FGR: variants seen among roughly 807,000 people sequenced by gnomAD.
FGR encodes the protein FGR proto-oncogene, Src family tyrosine kinase.
A neutral mutation model predicts 63.2 loss-of-function variants in FGR; 26 were observed. That is an observed-to-expected ratio of 0.41 (90% confidence interval 0.30 to 0.57). FGR has a LOEUF of 0.57. FGR is among the 20% of genes least tolerant of loss of function. The pLI, the probability that FGR is intolerant of heterozygous loss-of-function variation, is 0.27. For missense variants in FGR, 511 were observed against 690.8 expected (o/e 0.74, Z 2.92); for synonymous variants, 286 against 277.7 (o/e 1.03, Z -0.30).
intron 3 of FGR, 133 bp from the exon 4 acceptor site, chr1:27,623,277 T>A (rs190299856): frequency 1.5e-6 from 1 of 663,024 alleles, no homozygotes; most frequent in Admixed American, 2.5e-5. Context: ...CCAAAGGCCT[T>A]TGGGGTCCAA....
rs566178769 is a variant in FGR at position 27,631,397 on chromosome 1, T to G, written c.-77+3668A>C. On this transcript the variant is annotated intron_variant, in intron 1 of 12. Coordinates refer to ENST00000374005, the MANE Select transcript of FGR (RefSeq NM_005248.3). ...TTTCGAGGCCCACACTTCCCAAAGC[T>G]ATGCCAGTTCTTTGATGTAGACACA... is the stretch of plus-strand genomic sequence containing the variant. 2.6e-5 allele frequency among the ~76,000 whole-genome samples: 4 copies of G among 152,296 alleles called. No homozygotes were observed. In the East Asian group the frequency reaches 7.7e-4, roughly 29 times the overall value.
At chr1:27,621,249 G>T (rs2089919915) in intron 5 of FGR, among the ~76,000 whole-genome samples, 2 of 152,122 alleles carry the variant, frequency 1.3e-5, no homozygotes, top group South Asian at 4.1e-4. Flanking sequence ...CACTAGCCAT[G>T]TGAACTTGCA....
Position 27,612,883 on chromosome 1 carries a change from C to A in FGR, c.*31G>T, listed in dbSNP as rs1276327941. The A allele has an allele frequency of 3.8e-6, 6 of 1,593,692 alleles. No individual in the cohort carries two copies. The East Asian group carries it at 1.3e-4, about 36-fold the overall frequency. On this transcript the variant is annotated 3_prime_UTR_variant, in exon 13 of 13. Transcript: ENST00000374005. ...CTGGGGATTGGCAAGGACTGGTGGCCACCGCCAGAGAGGGTTGATGCCCGG... is the reference window on the plus strand; with the variant it reads ...CTGGGGATTGGCAAGGACTGGTGGCAACCGCCAGAGAGGGTTGATGCCCGG...
chr1:27,628,258 G>T (rs1177493935), intron 1 of FGR, among the ~76,000 whole-genome samples: 1 of 151,818 alleles, frequency 6.6e-6, no homozygotes, highest in Non-Finnish European at 1.5e-5. Context: ...TGAGGCAGGA[G>T]GACCACTCAA....
rs1176380279 is a variant in FGR, at chr1:27,612,911, A to G, written c.*3T>C. ...CGCCAGAGAGGGTTGATGCCCGGAC[A>G]GGCTATGTCTGATCCCCGGGCTGGT... On this transcript the variant is annotated 3_prime_UTR_variant, in exon 13 of 13. Transcript: ENST00000374005. The G allele has an allele frequency of 1.9e-6, 3 of 1,611,244 alleles. No individual in the cohort carries two copies. The highest frequency in any genetic ancestry group is 2.2e-5 in the East Asian group (1 of 44,802).
chr1:27,624,276 C>T (rs185666510), intron 2 of FGR, among the ~76,000 whole-genome samples: 44 of 152,316 alleles, frequency 2.9e-4, no homozygotes, highest in South Asian at 1.7e-3. Context: ...CACTCTGTTG[C>T]CCAGGCTGGA....
rs1157257969 is a variant in FGR, at chr1:27,616,006, AG to A, written c.683-163del. Among the ~76,000 whole-genome samples, 1 of 152,184 alleles carries A rather than the reference AG, an allele frequency of 6.6e-6. No homozygotes were observed. Among genetic ancestry groups the A allele is most frequent in the Non-Finnish European group, 1.5e-5 (1 of 68,020 alleles). Reference sequence around the variant, plus strand: ...AGAAAGGCAACCCGATCCACTAAATAGGGGAACATGTTGGTGCCCAAGGAAG... The same window carrying A: ...AGAAAGGCAACCCGATCCACTAAATAGGGAACATGTTGGTGCCCAAGGAAG... On this transcript the variant is annotated intron_variant, in intron 7 of 12. Coordinates refer to ENST00000374005, the MANE Select transcript of FGR (RefSeq NM_005248.3). The surrounding 1 kb of genome is among the most constrained non-coding windows in gnomAD (Gnocchi z 4.3).
intron 1 of FGR, among the ~76,000 whole-genome samples, chr1:27,628,082 C>T (rs944236390): frequency 6.6e-6 from 1 of 150,482 alleles, no homozygotes; most frequent in Admixed American, 6.6e-5. Flanking sequence ...TGGCAAATCC[C>T]ATCTCTACAA....
In FGR at chr1:27,615,892, C is replaced by G; in HGVS notation, c.683-48G>C. On this transcript the variant is annotated intron_variant, in intron 7 of 12. Transcript: ENST00000374005. This position sits in a 1 kb window ranked among gnomAD's most constrained non-coding sequence, Gnocchi z 7.6. ...GAGTCACAGGTGGGCCAGGACACCC[C>G]CCTCCACTCCTTATCCTATCCCAGC... 2.7e-6 allele frequency: 4 copies of G among 1,506,658 alleles called. No individual in the cohort carries two copies. The highest frequency in any genetic ancestry group is 3.6e-6 in the Non-Finnish European group (4 of 1,117,604). The allele number at this position is 1,506,658 out of a possible 1,614,324, so 93.3% of individuals were successfully genotyped here.
chr1:27,625,800 G>A (rs898344891), intron 1 of FGR, among the ~76,000 whole-genome samples: 2 of 152,068 alleles, frequency 1.3e-5, no homozygotes, highest in East Asian at 1.9e-4. Context: ...TTAGCCAGAC[G>A]TGGAGGTGGG....
At position 27,627,447 on chromosome 1, in the gene FGR, AACACAC is replaced by A. The variant is rs3076985; in HGVS notation, c.-76-2302_-76-2297del. On this transcript the variant is annotated intron_variant, in intron 1 of 12. Coordinates refer to ENST00000374005, the MANE Select transcript of FGR (RefSeq NM_005248.3). Reference sequence around the variant, plus strand: ...CTGCACATAGATGTGCATGCACATGAACACACACACACACACACACACACACACACA... The same window carrying A: ...CTGCACATAGATGTGCATGCACATGAACACACACACACACACACACACACA... Among the ~76,000 whole-genome samples the A allele has an allele frequency of 3.1e-3, 453 of 148,406 alleles. 4 individuals are homozygous for A. Among genetic ancestry groups the A allele is most frequent in the East Asian group, 0.019 (94 of 5,028 alleles).
In FGR at chr1:27,623,136, C is replaced by T. The variant is rs749974945; in HGVS notation, c.235G>A (p.Val79Met). ...GTIRGVSGIG[V>M]TLFIALYDYE... ...TCATACAGGGCAATGAACAGGGTCA[C>T]CCCAATCCCTGCAGAGTCAGGGCTA... Residue 79 changes from valine (V) to methionine (M), a missense_variant, in exon 4 of 13, where the codon GTG (valine) becomes ATG (methionine). Transcript: ENST00000374005. The T allele has an allele frequency of 6.2e-7, 1 of 1,613,462 alleles. No homozygotes were observed. The highest frequency in any genetic ancestry group is 1.3e-5 in the African/African-American group (1 of 75,024).
At chr1:27,624,489 C>T (rs1304179714) in intron 2 of FGR, among the ~76,000 whole-genome samples, 1 of 152,136 alleles carries the variant, frequency 6.6e-6, no homozygotes, top group African/African-American at 2.4e-5. Flanking sequence ...TTCTGTGACT[C>T]TTTCAGTGTG....
chr1:27,625,537 C>T (rs1004881958), intron 1 of FGR, among the ~76,000 whole-genome samples: 2 of 152,180 alleles, frequency 1.3e-5, no homozygotes, highest in East Asian at 3.8e-4. Flanking sequence ...GGTTAACAGA[C>T]GAACACACTC....
At chr1:27,631,151 G>T (rs1431950615) in intron 1 of FGR, among the ~76,000 whole-genome samples, 1 of 152,168 alleles carries the variant, frequency 6.6e-6, no homozygotes, top group Non-Finnish European at 1.5e-5. Context: ...GGGATTCAAA[G>T]TCAGGACTAT....
At chr1:27,614,772 G>C in intron 10 of FGR, 78 bp downstream of exon 10, 3 of 1,429,440 alleles carry the variant, frequency 2.1e-6, no homozygotes, top group Middle Eastern at 1.7e-4. Flanking sequence ...CGCCCTCCCA[G>C]GCGTTTGAAG....
intron 2 of FGR, among the ~76,000 whole-genome samples, chr1:27,624,603 G>A (rs1039270580): frequency 6.6e-6 from 1 of 152,104 alleles, no homozygotes; most frequent in Non-Finnish European, 1.5e-5. Flanking sequence ...GTGTGTGCAG[G>A]TTTGTGTGTA....
chr1:27,621,632 A>G lies in FGR; in HGVS notation c.355T>C (p.Ser119Pro). The G allele has an allele frequency of 6.2e-7, 1 of 1,613,912 alleles. No homozygotes were observed. ...CAGCCAGTTTTTCCGGAGCTGAGAG[A>G]CCGAGCCTCCCACCAGTCACCTTCA... Reference protein sequence around the residue: ...NTEGDWWEARSLSSGKTGCIP... With the variant: ...NTEGDWWEARPLSSGKTGCIP... The change falls in exon 5 of 13, where the codon TCT becomes CCT. Residue 119 changes from serine to proline, a missense_variant. Coordinates refer to ENST00000374005, the MANE Select transcript of FGR (RefSeq NM_005248.3).
Position 27,615,082 on chromosome 1 carries a change from C to G in FGR, c.1019-156G>C, listed in dbSNP as rs563038840. Among the ~76,000 whole-genome samples, 1 of 151,972 alleles carries G rather than the reference C, an allele frequency of 6.6e-6. No individual in the cohort carries two copies. Among genetic ancestry groups the G allele is most frequent in the African/African-American group, 2.4e-5 (1 of 41,426 alleles). ...AACCCCTCACTTGTCTCGTCCTGGC[C>G]CTGCTGCCAGACACGGACTCTGCCC... On this transcript the variant is annotated intron_variant, in intron 9 of 12. Coordinates refer to ENST00000374005, the MANE Select transcript of FGR (RefSeq NM_005248.3). This position sits in a 1 kb window ranked among gnomAD's most constrained non-coding sequence, Gnocchi z 7.6.
Sources: allele counts gnomAD v4.1 joint callset (sites outside exome capture counted in the v4.1 genomes callset), GRCh38; gene constraint gnomAD v4.1.1; non-coding constraint Gnocchi (gnomAD v3.1); transcripts MANE v1.5; gene names NCBI Gene and HGNC (gene_info 2026-07-23, HGNC 2026-07-21).